Variants in SGSM1 observed in about 807,000 individuals in gnomAD.
The protein encoded by SGSM1 is RUN and TBC1 domain containing 2.
SGSM1 carries 73 observed loss-of-function variants against 133.8 expected under a neutral mutation model. That is an observed-to-expected ratio of 0.55 (90% CI 0.45 to 0.66). The LOEUF (loss-of-function observed/expected upper bound fraction) is 0.66, where lower values mean the gene tolerates loss of function less well. Ranked by LOEUF, SGSM1 falls within the 30% of genes least tolerant of loss-of-function variation. The probability of loss-of-function intolerance (pLI) is 0.00; values close to 1 mark genes in which losing one functional copy is unlikely to be tolerated. For synonymous variants in SGSM1, 563 were observed against 573.0 expected, an observed-to-expected ratio of 0.98 and a Z score of 0.25; for missense variants, 1,213 against 1,448.1, an observed-to-expected ratio of 0.84 and a Z score of 2.64.
intron 23 of SGSM1, among the ~76,000 whole-genome samples, chr22:24,919,151 C>G (rs1488542654): frequency 1.2e-4 from 18 of 147,690 alleles, no homozygotes; most frequent in Admixed American, 1.2e-3. Context: ...TGGGTTCAAG[C>G]AATTCTCTGC....
At chr22:24,886,527 AACCCCAT>A in intron 15 of SGSM1, 66 bp from the exon 16 acceptor site, 1 of 1,515,670 alleles carries the variant, frequency 6.6e-7, no homozygotes, top group Non-Finnish European at 8.9e-7. Context: ...AACATGGTGA[AACCCCAT>A]CCCTACTAAA....
intron 17 of SGSM1, 59 bp from the exon 18 acceptor site, chr22:24,895,164 C>T (rs1244665905): frequency 6.5e-7 from 1 of 1,527,782 alleles, no homozygotes; most frequent in Non-Finnish European, 8.9e-7. Flanking sequence ...AGCAGTCCTT[C>T]CTGCTCTGGG....
Position 24,806,745 on chromosome 22 carries a change from G to A in SGSM1, c.63+261G>A, listed in dbSNP as rs1167352577. Among the ~76,000 whole-genome samples, 9 of 152,016 alleles carry A rather than the reference G, an allele frequency of 5.9e-5. No individual in the cohort carries two copies. The East Asian group carries it at 1.6e-3, about 26-fold the overall frequency. On this transcript the variant is annotated intron_variant, in intron 2 of 24. Coordinates refer to ENST00000400358, the MANE Select transcript of SGSM1 (RefSeq NM_001098497.3). ...GTAGCGTGAGGGCCCTCCAGGTGTG[G>A]GGCACACCTGGATGTATCCCGATAG... is the stretch of plus-strand genomic sequence containing the variant.
intron 8 of SGSM1, 67 bp from the exon 9 acceptor site, chr22:24,859,649 G>T (rs749316214): frequency 6.9e-6 from 11 of 1,603,574 alleles, no homozygotes; most frequent in Non-Finnish European, 8.5e-6. Context: ...TAAATCAAAC[G>T]GGCCAGGACC....
At chr22:24,820,117 C>G (rs1376259178) in intron 2 of SGSM1, among the ~76,000 whole-genome samples, 1 of 152,140 alleles carries the variant, frequency 6.6e-6, no homozygotes, top group Non-Finnish European at 1.5e-5. Flanking sequence ...AGGCTGGCTT[C>G]TCTGGGGATA....
intron 1 of SGSM1, 48 bp from the exon 2 acceptor site, chr22:24,806,393 C>G (rs1223990730): frequency 5.3e-6 from 8 of 1,513,018 alleles, no homozygotes; most frequent in Non-Finnish European, 7.1e-6. Context: ...CGCCCGGCCC[C>G]CGCACCCTCT....
Position 24,919,040 on chromosome 22 carries a change from CTTTTTTTTTTTTTT to C in SGSM1, c.3026-774_3026-761del, listed in dbSNP as rs143985087. 6.2e-3 allele frequency among the ~76,000 whole-genome samples: 445 copies of C among 71,818 alleles called. 3 individuals carry two copies. The highest frequency in any genetic ancestry group is 8.3e-3 in the Non-Finnish European group (336 of 40,500). 47.1% of individuals were successfully genotyped at this position (71,818 alleles called of 152,430 possible). A position where few individuals can be genotyped will look rare whatever the true frequency, so the allele number is the denominator to read the frequency against. On this transcript the variant is annotated intron_variant, in intron 23 of 24. Transcript: ENST00000400358. ...ACAGGTGTGAGCCACCACACCCGGC[CTTTTTTTTTTTTTT>C]TTTTTTTTTTTCGAGATGAAGTCTG...
In SGSM1 at chr22:24,924,404, C is replaced by G; in HGVS notation, c.*130C>G. The G allele has an allele frequency of 2.8e-6, 2 of 716,114 alleles. No individual in the cohort carries two copies. The highest frequency in any genetic ancestry group is 2.7e-5 in the East Asian group (1 of 36,890). 44.4% of individuals were successfully genotyped at this position (716,114 alleles called of 1,614,324 possible). A position where few individuals can be genotyped will look rare whatever the true frequency, so the allele number is the denominator to read the frequency against. On this transcript the variant is annotated 3_prime_UTR_variant, in exon 25 of 25. Coordinates refer to ENST00000400358, the MANE Select transcript of SGSM1 (RefSeq NM_001098497.3). Reference sequence around the variant, plus strand: ...CTGTTCACAAGCGTGGAGTTCAGTGCGCAAAGAAACTACCCTGACTTTTAC... The same window carrying G: ...CTGTTCACAAGCGTGGAGTTCAGTGGGCAAAGAAACTACCCTGACTTTTAC...
rs868862873 is a variant in SGSM1, at chr22:24,924,332, C to T, written c.*58C>T. 68 of 1,514,340 alleles carry T rather than the reference C, an allele frequency of 4.5e-5. No individual in the cohort carries two copies. The Middle Eastern group carries it at 1.7e-3, about 38-fold the overall frequency. 93.8% of individuals were successfully genotyped at this position (1,514,340 alleles called of 1,614,324 possible). The stretch of plus-strand genomic sequence containing the variant: ...TGCCCCTGCCCCGCTCCTCTGCTTA[C>T]TTTTCCTCCTGGCTGGATGGGCACC... On this transcript the variant is annotated 3_prime_UTR_variant, in exon 25 of 25. Transcript: ENST00000400358.
intron 13 of SGSM1, among the ~76,000 whole-genome samples, chr22:24,877,967 T>C (rs1271540967): frequency 6.6e-6 from 1 of 151,886 alleles, no homozygotes; most frequent in Non-Finnish European, 1.5e-5. Flanking sequence ...TGTGCCACCA[T>C]TCCTGGCTAG....
At chr22:24,919,775 CT>C in intron 23 of SGSM1, 50 bp from the exon 24 acceptor site, 1 of 1,605,836 alleles carries the variant, frequency 6.2e-7, no homozygotes, top group Non-Finnish European at 8.5e-7. Context: ...CAGGGCAACA[CT>C]GTGAGCCCCG....
At chr22:24,891,709 G>A (rs558825054) in intron 16 of SGSM1, among the ~76,000 whole-genome samples, 1 of 152,256 alleles carries the variant, frequency 6.6e-6, no homozygotes, top group Admixed American at 6.5e-5. Context: ...GTCACTGGTG[G>A]GATTGAGGCA....
At chr22:24,902,198 C>G (rs986205917) in intron 20 of SGSM1, among the ~76,000 whole-genome samples, 1 of 152,150 alleles carries the variant, frequency 6.6e-6, no homozygotes, top group Non-Finnish European at 1.5e-5. Context: ...TTCCTCAACC[C>G]GACGAGGTAT....
intron 9 of SGSM1, among the ~76,000 whole-genome samples, chr22:24,862,086 C>T (rs139708): frequency 0.11 from 16,434 of 151,816 alleles, 1,327 homozygotes; most frequent in African/African-American, 0.22. Context: ...TCCTGAGTAG[C>T]TGGGATTACA....
At position 24,907,650 on chromosome 22, in the gene SGSM1, C is replaced by T. The variant is rs374308132; in HGVS notation, c.2818+2463C>T. Among the ~76,000 whole-genome samples the T allele has an allele frequency of 4.6e-5, 7 of 151,864 alleles. No homozygotes were observed. In the East Asian group the frequency reaches 7.7e-4, roughly 17 times the overall value. On this transcript the variant is annotated intron_variant, in intron 21 of 24. Transcript: ENST00000400358. ...TTTTTAAAAGGATATGTTGGCCGGG[C>T]GCAGTGTCTCACGCCTGTAATCCCA...
At chr22:24,923,841 C>G (rs1053167520) in intron 24 of SGSM1, among the ~76,000 whole-genome samples, 5 of 152,150 alleles carry the variant, frequency 3.3e-5, no homozygotes, top group African/African-American at 1.2e-4. Context: ...AGGCTGGTCT[C>G]AAACTCCCGA....
intron 2 of SGSM1, chr22:24,813,613 G>C (rs1208924563): frequency 6.6e-6 from 1 of 152,166 alleles, no homozygotes; most frequent in African/African-American, 2.4e-5. Context: ...TGGCTTAAGA[G>C]GGCAGAAACG....
chr22:24,817,006 T>C (rs9612773), intron 2 of SGSM1, among the ~76,000 whole-genome samples: 65,785 of 151,770 alleles, frequency 0.43, 15,319 homozygotes, highest in East Asian at 0.61. Context: ...CACTTGGTCA[T>C]GGGGGGGTGA....
rs781260409 is a variant in SGSM1, at chr22:24,855,703, G to GA, written c.801+24dup. On this transcript the variant is annotated intron_variant, in intron 8 of 24. Transcript: ENST00000400358. ...CCGGTGAGAGGTTATCTTGGGCCTAGATCTTGCACTGAGGGTCTCACTCCA... is the reference window on the plus strand; with the variant it reads ...CCGGTGAGAGGTTATCTTGGGCCTAGAATCTTGCACTGAGGGTCTCACTCCA... 54 of 1,613,808 alleles carry GA rather than the reference G, an allele frequency of 3.3e-5. No homozygotes were observed. In the African/African-American group the frequency reaches 6.4e-4, roughly 19 times the overall value.
Sources: allele counts gnomAD v4.1 joint callset (sites outside exome capture counted in the v4.1 genomes callset), GRCh38; gene constraint gnomAD v4.1.1; transcripts MANE v1.5; gene names NCBI Gene and HGNC (gene_info 2026-07-23, HGNC 2026-07-21).